SUGP1: variants seen among roughly 807,000 people sequenced by gnomAD.
SUGP1 encodes the protein SURP and G-patch domain containing 1.
In SUGP1, 34 loss-of-function variants were observed where a neutral mutation model predicts 76.5. The ratio of observed to expected loss-of-function variants is 0.44; its 90% CI spans 0.34 to 0.59. The LOEUF is 0.59. Among genes scored for constraint, SUGP1 ranks in the 20% least tolerant of loss-of-function variants. SUGP1 has a pLI of 0.01. For synonymous variants in SUGP1, 326 were observed against 326.2 expected, an observed-to-expected ratio of 1.00 and a Z score of 0.01; for missense variants, 752 against 851.7, an observed-to-expected ratio of 0.88 and a Z score of 1.46.
chr19:19,280,227 C>T lies in SUGP1; in HGVS notation c.1308G>A (p.Glu436=). 6.2e-7 allele frequency: 1 copy of T among 1,614,002 alleles called. No homozygotes were observed. The highest frequency in any genetic ancestry group is 8.5e-7 in the Non-Finnish European group (1 of 1,179,954). ...GCTGCTTCTTCTGGGCGTCTGAAAG[C>T]TCTGTGACGCCCACTAGACCCACAG... ...GKPVGLVGVT[E]LSDAQKKQLK... is the part of the protein sequence containing the mutation. Residue 436 remains glutamate (E), a synonymous_variant, in exon 9 of 14, where the codon GAG becomes GAA. Transcript: ENST00000247001.
intron 8 of SUGP1, among the ~76,000 whole-genome samples, chr19:19,292,434 G>A (rs2061192752): frequency 6.6e-6 from 1 of 151,892 alleles, no homozygotes; most frequent in Non-Finnish European, 1.5e-5. Flanking sequence ...AGGTGTGGTG[G>A]CTCACGCCTG....
intron 2 of SUGP1, among the ~76,000 whole-genome samples, chr19:19,313,007 AT>A (rs58220285): frequency 7.9e-5 from 12 of 151,612 alleles, no homozygotes; most frequent in South Asian, 2.1e-4. Context: ...AAATAAATAA[AT>A]AAAATAAATA....
chr19:19,301,176 C>CG (rs531268112), intron 7 of SUGP1, among the ~76,000 whole-genome samples: 236 of 152,124 alleles, frequency 1.6e-3, no homozygotes, highest in Non-Finnish European at 2.3e-3. Flanking sequence ...GGACACCTGT[C>CG]GGGGGGGCCT....
chr19:19,297,272 C>T lies in SUGP1; in HGVS notation c.960G>A (p.Lys320=). ...CTGTGAAGCTGCCTGTGGAGCTGGC[C>T]TTGGCTTTCCGGAACTCCTCCAGCT... ...RQKLEEFRKA[K]ASSTGSFTAP... The change falls in exon 8 of 14, where the codon AAG becomes AAA. Residue 320 remains lysine, a synonymous_variant. Transcript: ENST00000247001. The T allele has an allele frequency of 6.4e-7, 1 of 1,561,306 alleles. No individual in the cohort carries two copies. Among genetic ancestry groups the T allele is most frequent in the Non-Finnish European group, 8.7e-7 (1 of 1,149,124 alleles).
intron 8 of SUGP1, among the ~76,000 whole-genome samples, chr19:19,296,326 C>T (rs1220282901): frequency 2.0e-5 from 3 of 151,888 alleles, no homozygotes; most frequent in African/African-American, 7.3e-5. Flanking sequence ...GAGGCTGAGG[C>T]GGGTGGATCA....
intron 3 of SUGP1, among the ~76,000 whole-genome samples, chr19:19,308,089 C>T (rs1196454623): frequency 6.6e-6 from 1 of 152,118 alleles, no homozygotes; most frequent in African/African-American, 2.4e-5. Context: ...AGTACAGTGA[C>T]GTGATCTCCA....
At chr19:19,278,504 C>G (rs2061071621) in intron 11 of SUGP1, among the ~76,000 whole-genome samples, 186 bp downstream of exon 11, 2 of 152,170 alleles carry the variant, frequency 1.3e-5, no homozygotes, top group South Asian at 4.1e-4. Flanking sequence ...AGCAGCTGAG[C>G]TGCTGTTTGC....
chr19:19,314,000 C>T (rs1440133235), intron 2 of SUGP1, among the ~76,000 whole-genome samples: 1 of 151,846 alleles, frequency 6.6e-6, no homozygotes, highest in African/African-American at 2.4e-5. Flanking sequence ...TAGCCGGGCA[C>T]GATGGTGGGT....
chr19:19,294,622 T>A (rs1421281491), intron 8 of SUGP1, among the ~76,000 whole-genome samples: 1 of 151,420 alleles, frequency 6.6e-6, no homozygotes. Flanking sequence ...GATTTGGCAA[T>A]TGTTCCTTAA....
intron 7 of SUGP1, chr19:19,302,003 T>C (rs2061275586): frequency 4.0e-6 from 2 of 500,890 alleles, no homozygotes; most frequent in Non-Finnish European, 7.1e-6. Context: ...TGCTAGAGAC[T>C]TTCTCCATGA....
chr19:19,286,051 G>A (rs570688133), intron 8 of SUGP1, among the ~76,000 whole-genome samples: 1 of 152,264 alleles, frequency 6.6e-6, no homozygotes, highest in African/African-American at 2.4e-5. Context: ...GGTGGCTCAC[G>A]CCTGTAATCC....
chr19:19,307,009 G>A (rs768145755), intron 3 of SUGP1, among the ~76,000 whole-genome samples: 10 of 152,068 alleles, frequency 6.6e-5, no homozygotes, highest in African/African-American at 9.7e-5. Flanking sequence ...TAGGGCCCCC[G>A]GATCATGAAA....
chr19:19,317,519 C>A (rs375412830), intron 1 of SUGP1, among the ~76,000 whole-genome samples: 2 of 152,010 alleles, frequency 1.3e-5, no homozygotes, highest in Non-Finnish European at 2.9e-5. Context: ...AATGCAAGAT[C>A]CATTGGGTCT....
intron 2 of SUGP1, among the ~76,000 whole-genome samples, chr19:19,314,308 G>A (rs887466216): frequency 1.3e-5 from 2 of 151,840 alleles, no homozygotes; most frequent in Non-Finnish European, 1.5e-5. Flanking sequence ...GTGTGACAGA[G>A]CAAGACTCGT....
At chr19:19,305,804 A>G (rs2061311928) in intron 4 of SUGP1, 45 bp downstream of exon 4, 1 of 1,537,626 alleles carries the variant, frequency 6.5e-7, no homozygotes, top group Non-Finnish European at 8.8e-7. Flanking sequence ...CACCTGCTAG[A>G]GCACGGGCAC....
chr19:19,279,071 G>T, intron 10 of SUGP1, 142 bp downstream of exon 10: 1 of 969,242 alleles, frequency 1.0e-6, no homozygotes, highest in Non-Finnish European at 1.5e-6. Flanking sequence ...CTCACTCCAG[G>T]CCTCACAGCC....
At chr19:19,293,096 G>A (rs1934296647) in intron 8 of SUGP1, among the ~76,000 whole-genome samples, 1 of 151,746 alleles carries the variant, frequency 6.6e-6, no homozygotes, top group Non-Finnish European at 1.5e-5. Flanking sequence ...TTTTGGTAGA[G>A]ACGGGGTTTC....
At chr19:19,284,901 T>C (rs2061127584) in intron 8 of SUGP1, among the ~76,000 whole-genome samples, 1 of 148,928 alleles carries the variant, frequency 6.7e-6, no homozygotes, top group Admixed American at 6.8e-5. Flanking sequence ...TTAGATGGAG[T>C]CTCGCTCTTT....
intron 6 of SUGP1, among the ~76,000 whole-genome samples, 168 bp downstream of exon 6, chr19:19,303,180 G>A (rs1485519462): frequency 2.0e-5 from 3 of 152,152 alleles, no homozygotes; most frequent in Non-Finnish European, 2.9e-5. Flanking sequence ...GGGGGAAGGT[G>A]GTGTCAGACC....
Sources: gnomAD v4.1 joint callset for allele counts (sites outside exome capture counted in the v4.1 genomes callset) on GRCh38, gnomAD v4.1.1 for gene constraint, MANE v1.5 for transcripts, NCBI Gene and HGNC (gene_info 2026-07-23, HGNC 2026-07-21) for gene names.